Variants in BBS2 observed in about 807,000 individuals in gnomAD.
BBS2 encodes BBSome complex member BBS2.
A neutral mutation model predicts 83.0 loss-of-function variants in BBS2; 62 were observed. That is an observed-to-expected ratio of 0.75 (90% CI 0.61 to 0.92). The LOEUF (loss-of-function observed/expected upper bound fraction) is 0.92, where lower values mean the gene tolerates loss of function less well. Among genes scored for constraint, BBS2 ranks in the 40% least tolerant of loss-of-function variants. The pLI, the probability that BBS2 is intolerant of heterozygous loss-of-function variation, is 0.00. For missense variants in BBS2, 784 were observed against 901.0 expected (o/e 0.87, Z 1.66); for synonymous variants, 303 against 326.1 (o/e 0.93, Z 0.76).
At chr16:56,508,751 T>A (rs1567581149) in intron 5 of BBS2, among the ~76,000 whole-genome samples, 1 of 152,040 alleles carries the variant, frequency 6.6e-6, no homozygotes, top group Non-Finnish European at 1.5e-5. Context: ...GCTCAAGGGA[T>A]CCTCCTGCCT....
chr16:56,472,796 C>T (rs1018993471), intron 17 of BBS2, among the ~76,000 whole-genome samples: 3 of 152,026 alleles, frequency 2.0e-5, no homozygotes, highest in African/African-American at 7.2e-5. Flanking sequence ...ATATATTGTT[C>T]TGTATTTTTT....
chr16:56,508,037 C>T (rs1361554488), intron 5 of BBS2, among the ~76,000 whole-genome samples: 3 of 152,158 alleles, frequency 2.0e-5, no homozygotes, highest in East Asian at 1.9e-4. Flanking sequence ...CCTTTTGGCA[C>T]CCATTTCTCC....
chr16:56,483,295 T>G (rs183339848), downstream of BBS2, among the ~76,000 whole-genome samples: 223 of 152,334 alleles, frequency 1.5e-3, 1 homozygote, highest in Admixed American at 1.8e-3. Flanking sequence ...GGTACATGGC[T>G]GTAAATAACC....
At chr16:56,511,458 T>A (rs1964575076) in intron 2 of BBS2, among the ~76,000 whole-genome samples, 174 bp from the exon 3 acceptor site, 1 of 152,230 alleles carries the variant, frequency 6.6e-6, no homozygotes, top group African/African-American at 2.4e-5. Context: ...AATAATCTAC[T>A]TTACTATTAA....
At position 56,484,820 on chromosome 16, in the gene BBS2, G is replaced by C; in HGVS notation, c.2107C>G (p.Arg703Gly). ...QVITACRDAI[R>G]SNNINTLFKI... The stretch of plus-strand genomic sequence containing the variant: ...AACAGTGTGTTGATGTTATTGCTTC[G>C]AATTGCATCCCGACAAGCAGTGATC... The change falls in exon 17 of 17, where the codon CGA (arginine) becomes GGA (glycine). Residue 703 changes from arginine (R) to glycine (G), a missense_variant. Arg to Gly is a moderately radical substitution (Grantham distance 125, BLOSUM62 -2). Transcript: ENST00000245157. 6.2e-7 allele frequency: 1 copy of C among 1,613,992 alleles called. No individual in the cohort carries two copies. Among genetic ancestry groups the C allele is most frequent in the Non-Finnish European group, 8.5e-7 (1 of 1,179,954 alleles).
rs1317197358 is a variant in BBS2, at chr16:56,484,800, T to C, written c.2127A>G (p.Thr709=). The change falls in exon 17 of 17, where the codon ACA becomes ACG. Residue 709 remains threonine, a synonymous_variant. Transcript: ENST00000245157. The stretch of plus-strand genomic sequence containing the variant: ...TCCCCACTCGCATGATTTTGAACAG[T>C]GTGTTGATGTTATTGCTTCGAATTG... ...RDAIRSNNIN[T]LFKIMRVGTA... is the part of the protein sequence containing the mutation. The C allele has an allele frequency of 3.1e-6, 5 of 1,613,940 alleles. No homozygotes were observed. The African/African-American group carries it at 5.3e-5, about 17-fold the overall frequency.
At chr16:56,486,590 C>T (rs1250682715) in intron 15 of BBS2, among the ~76,000 whole-genome samples, 1 of 151,966 alleles carries the variant, frequency 6.6e-6, no homozygotes, top group Admixed American at 6.6e-5. Context: ...TGAAGCCAGA[C>T]TCAAAAGGAT....
At chr16:56,487,260 A>G (rs931778066) in intron 15 of BBS2, among the ~76,000 whole-genome samples, 4 of 152,110 alleles carry the variant, frequency 2.6e-5, no homozygotes, top group African/African-American at 9.7e-5. Flanking sequence ...TTTTTGACTT[A>G]AGAGAGAGAT....
chr16:56,519,432 G>A, intron 1 of BBS2: 2 of 295,818 alleles, frequency 6.8e-6, no homozygotes, highest in Non-Finnish European at 1.3e-5. Context: ...ATCTGGGGTC[G>A]GTTATTACTG....
At chr16:56,514,322 C>T in intron 2 of BBS2, 131 bp downstream of exon 2, 1 of 838,260 alleles carries the variant, frequency 1.2e-6, no homozygotes, top group Non-Finnish European at 1.9e-6. Flanking sequence ...AGCAAAATCT[C>T]CATGTTGTTT....
rs184332828 is a variant in BBS2 at position 56,473,599 on chromosome 16, G to A, written c.*1-2904C>T. On this transcript the variant is annotated intron_variant, in intron 17 of 17. Transcript: ENST00000682047. ...ATGTTTTCATTCTTCCTAGCAAACT[G>A]TTATATTTTCTTTTCCAACTTGCTT... is the stretch of plus-strand genomic sequence containing the variant. 2.9e-4 allele frequency among the ~76,000 whole-genome samples: 44 copies of A among 152,178 alleles called. No individual in the cohort carries two copies. The South Asian group carries it at 4.6e-3, about 16-fold the overall frequency.
At chr16:56,506,358 A>G (rs919371723) in intron 5 of BBS2, 134 bp from the exon 6 acceptor site, 5 of 715,350 alleles carry the variant, frequency 7.0e-6, no homozygotes, top group Middle Eastern at 5.0e-4. Context: ...CCAATCCATT[A>G]GTGGGGAATG....
intron 7 of BBS2, 54 bp downstream of exon 7, chr16:56,505,896 A>C: frequency 7.3e-7 from 1 of 1,370,202 alleles, no homozygotes; most frequent in Non-Finnish European, 1.0e-6. Context: ...CAGCCAATAC[A>C]CCTTGGACAA....
chr16:56,491,343 G>A (rs557524804), intron 15 of BBS2, among the ~76,000 whole-genome samples: 177 of 152,238 alleles, frequency 1.2e-3, no homozygotes, highest in Non-Finnish European at 2.1e-3. Context: ...GCTCATGCAG[G>A]AATGAAGTTA....
rs529476877 is a variant in BBS2, at chr16:56,496,723, T to G, written c.1910+244A>C. Among the ~76,000 whole-genome samples, 12 of 152,366 alleles carry G rather than the reference T, an allele frequency of 7.9e-5. No individual in the cohort carries two copies. The East Asian group carries it at 2.3e-3, about 29-fold the overall frequency. On this transcript the variant is annotated intron_variant, in intron 15 of 16. Transcript: ENST00000245157. The stretch of plus-strand genomic sequence containing the variant: ...ATAAACAATGCCTTTACAAATATTC[T>G]TATATAAATATCCTGGTTTATAAGC...
At chr16:56,473,955 C>T (rs990122689) in intron 17 of BBS2, among the ~76,000 whole-genome samples, 14 of 152,150 alleles carry the variant, frequency 9.2e-5, no homozygotes, top group Middle Eastern at 3.4e-3. Context: ...TACAGGCACA[C>T]GCCACCATGC....
chr16:56,484,776 C>T lies in BBS2; in HGVS notation c.2151G>A (p.Gly717=), dbSNP rs1374151749. The T allele has an allele frequency of 6.2e-7, 1 of 1,613,820 alleles. No individual in the cohort carries two copies. The highest frequency in any genetic ancestry group is 8.5e-7 in the Non-Finnish European group (1 of 1,179,762). The part of the protein sequence containing the change: ...INTLFKIMRV[G]TASS ...TTTTCCTCACCTAGGAAGAAGCTGT[C>T]CCCACTCGCATGATTTTGAACAGTG... The change falls in exon 17 of 17, where the codon GGG becomes GGA. Residue 717 remains glycine (G), a synonymous_variant. Transcript: ENST00000245157.
At chr16:56,499,145 T>C (rs1021577898) in intron 12 of BBS2, 4 of 187,684 alleles carry the variant, frequency 2.1e-5, no homozygotes, top group African/African-American at 9.6e-5. Context: ...GGCCCACCTA[T>C]AGAGTCTGTG....
At chr16:56,490,396 AC>A (rs1963918238) in intron 15 of BBS2, among the ~76,000 whole-genome samples, 1 of 151,958 alleles carries the variant, frequency 6.6e-6, no homozygotes, top group Non-Finnish European at 1.5e-5. Context: ...AGTGGCTCAC[AC>A]CCGTAATCCC....
Sources: allele counts gnomAD v4.1 joint callset (sites outside exome capture counted in the v4.1 genomes callset), GRCh38; gene constraint gnomAD v4.1.1; transcripts MANE v1.5; gene names NCBI Gene and HGNC (gene_info 2026-07-23, HGNC 2026-07-21).